Variants in PLCB1 observed in about 807,000 individuals in gnomAD.
PLCB1 encodes the protein 1-phosphatidylinositol 4,5-bisphosphate phosphodiesterase beta-1.
PLCB1 carries 46 observed loss-of-function variants against 161.8 expected under a neutral mutation model. That is an observed-to-expected ratio of 0.28 (90% CI 0.22 to 0.36). PLCB1 has a LOEUF of 0.36. Among genes scored for constraint, PLCB1 ranks in the 10% least tolerant of loss-of-function variants. The pLI, the probability that PLCB1 is intolerant of heterozygous loss-of-function variation, is 1.00. For missense variants in PLCB1, 1,016 were observed against 1,472.5 expected, an observed-to-expected ratio of 0.69 and a Z score of 5.07; for synonymous variants, 517 against 503.7, an observed-to-expected ratio of 1.03 and a Z score of -0.35.
At chr20:8,769,933 T>C (rs919263814) in intron 26 of PLCB1, among the ~76,000 whole-genome samples, 94 of 152,242 alleles carry the variant, frequency 6.2e-4, no homozygotes, top group African/African-American at 2.2e-3. Context: ...CTTTAAAAAG[T>C]AATAAAATCA....
rs1978997981 is a variant in PLCB1, at chr20:8,410,548, T to G, written c.246+39098T>G. ...ATTTTTATTGAATTTGATGTGCGTA[T>G]TATGCCCAGTTATAAGTCCTGATGC... On this transcript the variant is annotated intron_variant, in intron 3 of 31. Coordinates refer to ENST00000338037, the MANE Select transcript of PLCB1 (RefSeq NM_015192.4). Among the ~76,000 whole-genome samples, 3 of 152,124 alleles carry G rather than the reference T, an allele frequency of 2.0e-5. No homozygotes were observed. The South Asian group carries it at 6.2e-4, about 32-fold the overall frequency.
intron 3 of PLCB1, among the ~76,000 whole-genome samples, chr20:8,478,771 TAA>T (rs973898653): frequency 6.6e-5 from 10 of 152,164 alleles, no homozygotes; most frequent in Admixed American, 2.6e-4. Flanking sequence ...CTTCAAAATG[TAA>T]AGTTAAAGGT....
chr20:8,845,860 T>C (rs6077438), intron 31 of PLCB1, among the ~76,000 whole-genome samples: 39,605 of 151,978 alleles, frequency 0.26, 6,807 homozygotes, highest in East Asian at 0.63. Context: ...TATAATACAA[T>C]ACGCATTAAG....
intron 2 of PLCB1, among the ~76,000 whole-genome samples, chr20:8,174,205 A>T (rs1425801489): frequency 6.6e-6 from 1 of 152,224 alleles, no homozygotes; most frequent in African/African-American, 2.4e-5. Context: ...AAACTTCTGA[A>T]AACAAAGGCA....
rs374178427 is a variant in PLCB1, at chr20:8,391,785, GTATATATATATATATATATA to G, written c.246+20356_246+20375del. 4.1e-3 allele frequency among the ~76,000 whole-genome samples: 470 copies of G among 115,152 alleles called. 7 individuals are homozygous for G. The highest frequency in any genetic ancestry group is 0.021 in the Middle Eastern group (4 of 192). The allele number at this position is 115,152 out of a possible 152,430, so 75.5% of individuals were successfully genotyped here. ...GAAGTATATATATATATATGTGTGT[GTATATATATATATATATATA>G]TATATATATATATATATATACACAC... On this transcript the variant is annotated intron_variant, in intron 3 of 31. Coordinates refer to ENST00000338037, the MANE Select transcript of PLCB1 (RefSeq NM_015192.4).
At chr20:8,436,252 T>C (rs973374124) in intron 3 of PLCB1, among the ~76,000 whole-genome samples, 3 of 151,608 alleles carry the variant, frequency 2.0e-5, no homozygotes, top group Admixed American at 1.3e-4. Flanking sequence ...CAAGAATCAC[T>C]TTAACCTGGA....
At chr20:8,726,806 A>G (rs1979962709) in intron 16 of PLCB1, among the ~76,000 whole-genome samples, 1 of 152,144 alleles carries the variant, frequency 6.6e-6, no homozygotes, top group Non-Finnish European at 1.5e-5. Flanking sequence ...TTCTGTTTTG[A>G]AAGACCATAA....
chr20:8,374,992 T>C (rs149092642), intron 3 of PLCB1, among the ~76,000 whole-genome samples: 1 of 152,198 alleles, frequency 6.6e-6, no homozygotes, highest in Non-Finnish European at 1.5e-5. Flanking sequence ...TTACAGGAAA[T>C]GGAAAAGCTT....
chr20:8,755,528 T>C (rs1347361074), intron 23 of PLCB1, among the ~76,000 whole-genome samples: 1 of 152,194 alleles, frequency 6.6e-6, no homozygotes, highest in Non-Finnish European at 1.5e-5. Context: ...AAAGAGTATG[T>C]AGGCAATTAT....
intron 4 of PLCB1, among the ~76,000 whole-genome samples, chr20:8,644,803 G>A (rs1358211208): frequency 4.6e-5 from 7 of 152,014 alleles, no homozygotes; most frequent in Non-Finnish European, 1.0e-4. Context: ...CCCTCTGCTC[G>A]GCCACCACCC....
chr20:8,541,361 A>G (rs75342195), intron 3 of PLCB1, among the ~76,000 whole-genome samples: 4,799 of 152,180 alleles, frequency 0.032, 234 homozygotes, highest in African/African-American at 0.1. Flanking sequence ...TGAGTAACAT[A>G]GTAGAAAAAA....
chr20:8,750,092 A>G (rs1024839039), intron 23 of PLCB1, among the ~76,000 whole-genome samples: 4 of 152,142 alleles, frequency 2.6e-5, no homozygotes, highest in African/African-American at 9.7e-5. Context: ...TTATACATCT[A>G]TGTGTAAAAT....
At chr20:8,825,047 C>T (rs1055966731) in intron 31 of PLCB1, among the ~76,000 whole-genome samples, 1 of 152,188 alleles carries the variant, frequency 6.6e-6, no homozygotes, top group African/African-American at 2.4e-5. Flanking sequence ...ATAGACTCAC[C>T]TACACTATCC....
intron 2 of PLCB1, among the ~76,000 whole-genome samples, chr20:8,257,823 G>A (rs1346365691): frequency 6.6e-6 from 1 of 152,126 alleles, no homozygotes; most frequent in African/African-American, 2.4e-5. Context: ...CTGAGAGACA[G>A]AGATAAAGGA....
chr20:8,189,854 A>G (rs901966014), intron 2 of PLCB1, among the ~76,000 whole-genome samples: 3 of 152,056 alleles, frequency 2.0e-5, no homozygotes, highest in African/African-American at 7.2e-5. Context: ...TAGAAACCTC[A>G]ACACTTAACC....
At chr20:8,678,397 T>C (rs1990138379) in intron 9 of PLCB1, among the ~76,000 whole-genome samples, 1 of 152,152 alleles carries the variant, frequency 6.6e-6, no homozygotes, top group African/African-American at 2.4e-5. Flanking sequence ...TAGCAATACA[T>C]GCGTATTATT....
At chr20:8,151,803 T>C (rs2051511743) in intron 2 of PLCB1, among the ~76,000 whole-genome samples, 1 of 152,186 alleles carries the variant, frequency 6.6e-6, no homozygotes, top group African/African-American at 2.4e-5. Context: ...ACTGTCAGTT[T>C]GATTTTTCAA....
chr20:8,698,093 TACAG>T (rs1391827907), intron 11 of PLCB1, among the ~76,000 whole-genome samples: 1 of 152,230 alleles, frequency 6.6e-6, no homozygotes, highest in Non-Finnish European at 1.5e-5. Context: ...CCATAAAGAA[TACAG>T]ACAACTTATT....
chr20:8,579,641 G>A (rs1189335721), intron 3 of PLCB1, among the ~76,000 whole-genome samples: 1 of 152,126 alleles, frequency 6.6e-6, no homozygotes, highest in Non-Finnish European at 1.5e-5. Context: ...TTCATAGGAT[G>A]TGATATCAAA....
Sources: gnomAD v4.1 joint callset for allele counts (sites outside exome capture counted in the v4.1 genomes callset) on GRCh38, gnomAD v4.1.1 for gene constraint, MANE v1.5 for transcripts, NCBI Gene and HGNC (gene_info 2026-07-23, HGNC 2026-07-21) for gene names.